The following MYOM3 variants were observed in gnomAD, a reference collection of about 807,000 sequenced individuals.
MYOM3 encodes the protein myomesin 3.
A neutral mutation model predicts 191.7 loss-of-function variants in MYOM3; 155 were observed. The observed-to-expected ratio is 0.81, with a 90% confidence interval of 0.71 to 0.92. The LOEUF is 0.92. MYOM3 is among the 40% of genes least tolerant of loss of function. The pLI is 0.00. For missense variants in MYOM3, 1,889 were observed against 1,890.6 expected (o/e 1.00, Z 0.02); for synonymous variants, 757 against 762.9 (o/e 0.99, Z 0.13).
chr1:24,084,607 A>C lies in MYOM3; in HGVS notation c.1831T>G (p.Phe611Val), dbSNP rs763172539. ...TLPPPAQVQA[F>V]RDTQTSVSLT... is the part of the protein sequence containing the mutation. The stretch of plus-strand genomic sequence containing the variant: ...GAGACAGAGGTCTGTGTGTCTCTGA[A>C]AGCTTGAACTTGAGCTGGAGGAGGG... Residue 611 changes from phenylalanine (F) to valine (V), a missense_variant, in exon 16 of 37, where the codon TTC (phenylalanine) becomes GTC (valine). Coordinates refer to ENST00000374434, the MANE Select transcript of MYOM3 (RefSeq NM_152372.4). 5.0e-6 allele frequency: 8 copies of C among 1,613,456 alleles called. No homozygotes were observed. The highest frequency in any genetic ancestry group is 6.8e-6 in the Non-Finnish European group (8 of 1,179,792).
intron 4 of MYOM3, among the ~76,000 whole-genome samples, 153 bp downstream of exon 4, chr1:24,106,920 G>T (rs1470209122): frequency 6.6e-6 from 1 of 152,184 alleles, no homozygotes; most frequent in East Asian, 1.9e-4. Flanking sequence ...GCGCTTGCCC[G>T]GGGTCACACC....
rs11249084 is a variant in MYOM3, at chr1:24,064,514, C to T, written c.3535-355G>A. On this transcript the variant is annotated intron_variant, in intron 29 of 36. Transcript: ENST00000374434. ...TTGCAGAGCTTGTCTGGGCCTGGCC[C>T]ACCTTTCACTCCCTGGGGGCTCCTG... Among the ~76,000 whole-genome samples, 1,163 of 152,272 alleles carry T rather than the reference C, an allele frequency of 7.6e-3. 17 individuals are homozygous for T. The highest frequency in any genetic ancestry group is 0.026 in the African/African-American group (1,090 of 41,544).
In MYOM3 at chr1:24,087,590, G is replaced by A. The variant is rs1289037284; in HGVS notation, c.1615-763C>T. 6.6e-6 allele frequency among the ~76,000 whole-genome samples: 1 copy of A among 152,022 alleles called. No individual in the cohort carries two copies. Among genetic ancestry groups the A allele is most frequent in the Non-Finnish European group, 1.5e-5 (1 of 68,018 alleles). On this transcript the variant is annotated intron_variant, in intron 14 of 36. Coordinates refer to ENST00000374434, the MANE Select transcript of MYOM3 (RefSeq NM_152372.4). The surrounding 1 kb of genome is among the most constrained non-coding windows in gnomAD (Gnocchi z 4.5). ...CCCTCAGCCTGGAATGTTCTTCTCC[G>A]AGAAATCTCTTGGCTTCCTGTAGGC...
chr1:24,086,676 G>C lies in MYOM3; in HGVS notation c.1766C>G (p.Pro589Arg). ...GCCCCGCAAGGCGATGGGTTCGCTG[G>C]GCTCCGAGGGATCGCTCAGGCCATA... ...NQYGLSDPSE[P>R]SEPIALRGPP... The change falls in exon 15 of 37, where the codon CCC becomes CGC. Residue 589 changes from proline (P) to arginine (R), a missense_variant. Transcript: ENST00000374434. 1 of 1,614,074 alleles carries C rather than the reference G, an allele frequency of 6.2e-7. No individual in the cohort carries two copies. Among genetic ancestry groups the C allele is most frequent in the Non-Finnish European group, 8.5e-7 (1 of 1,179,992 alleles).
At chr1:24,071,732 C>T (rs1171387785) in intron 24 of MYOM3, among the ~76,000 whole-genome samples, 1 of 152,216 alleles carries the variant, frequency 6.6e-6, no homozygotes, top group Non-Finnish European at 1.5e-5. Context: ...GAGCCAATAA[C>T]AGTAATTATA....
At chr1:24,103,263 T>G (rs982037060) in intron 5 of MYOM3, among the ~76,000 whole-genome samples, 2 of 152,224 alleles carry the variant, frequency 1.3e-5, no homozygotes, top group African/African-American at 4.8e-5. Flanking sequence ...GTCCTCCTAG[T>G]GGGATCAGCA....
intron 25 of MYOM3, among the ~76,000 whole-genome samples, chr1:24,070,648 G>A (rs1281159437): frequency 1.7e-4 from 26 of 152,068 alleles, no homozygotes; most frequent in Admixed American, 1.6e-3. Context: ...GGCAGAAGGA[G>A]TACTTAAGGC....
chr1:24,063,317 C>G lies in MYOM3; in HGVS notation c.3662-83G>C, dbSNP rs1206874585. The G allele has an allele frequency of 3.6e-6, 5 of 1,400,902 alleles. No individual in the cohort carries two copies. The Admixed American group carries it at 5.1e-5, about 14-fold the overall frequency. The allele number at this position is 1,400,902 out of a possible 1,614,324, so 86.8% of individuals were successfully genotyped here. A position where few individuals can be genotyped will look rare whatever the true frequency, so the allele number is the denominator to read the frequency against. ...TGGGGCCGGCTTGTCTGCCTCTGCC[C>G]TGGGGGGCAGGTGCTGTGGGGGAAA... On this transcript the variant is annotated intron_variant, in intron 31 of 36. Coordinates refer to ENST00000374434, the MANE Select transcript of MYOM3 (RefSeq NM_152372.4). The surrounding 1 kb of genome is among the most constrained non-coding windows in gnomAD (Gnocchi z 4.5).
chr1:24,110,784 A>G (rs192746560), intron 1 of MYOM3, among the ~76,000 whole-genome samples: 2 of 152,314 alleles, frequency 1.3e-5, no homozygotes, highest in Admixed American at 6.5e-5. Context: ...GCACCCAAAG[A>G]AGTGGCTAGC....
rs529347509 is a variant in MYOM3, at chr1:24,087,040, G to A, written c.1615-213C>T. ...ACCTCACGTCCAGCCTGTCCACAAC[G>A]CGGCTCCAGAGCTTCCCACACCTGC... is the stretch of plus-strand genomic sequence containing the variant. On this transcript the variant is annotated intron_variant, in intron 14 of 36. Coordinates refer to ENST00000374434, the MANE Select transcript of MYOM3 (RefSeq NM_152372.4). The surrounding 1 kb of genome is among the most constrained non-coding windows in gnomAD (Gnocchi z 4.5). Among the ~76,000 whole-genome samples the A allele has an allele frequency of 2.6e-5, 4 of 151,858 alleles. No individual in the cohort carries two copies. The highest frequency in any genetic ancestry group is 2.0e-4 in the East Asian group (1 of 5,122).
Position 24,093,062 on chromosome 1 carries a change from G to A in MYOM3, c.975C>T (p.Asp325=). 6.2e-7 allele frequency: 1 copy of A among 1,612,954 alleles called. No individual in the cohort carries two copies. Residue 325 remains aspartate, a synonymous_variant, in exon 10 of 37, where the codon GAC becomes GAT. Coordinates refer to ENST00000374434, the MANE Select transcript of MYOM3 (RefSeq NM_152372.4). Reference sequence around the variant, plus strand: ...AGGACACCTTCAGGGATGCCTGGCGGTCTGTGTAGAGGATCTTCCGACGTC... The same window carrying A: ...AGGACACCTTCAGGGATGCCTGGCGATCTGTGTAGAGGATCTTCCGACGTC... ...SSRRRKILYT[D]RQASLKVSCT... is the part of the protein sequence containing the mutation.
rs576964642 is a variant in MYOM3 at position 24,111,796 on chromosome 1, C to T, written c.-19+235G>A. Reference sequence around the variant, plus strand: ...ACAGACAGCTCAGCTCTCAGAAGACCCAGGGCCACACAGAACAGTGGGATG... The same window carrying T: ...ACAGACAGCTCAGCTCTCAGAAGACTCAGGGCCACACAGAACAGTGGGATG... On this transcript the variant is annotated intron_variant, in intron 1 of 36. Coordinates refer to ENST00000374434, the MANE Select transcript of MYOM3 (RefSeq NM_152372.4). This position sits in a 1 kb window ranked among gnomAD's most constrained non-coding sequence, Gnocchi z 4.7. Among the ~76,000 whole-genome samples, 71 of 152,028 alleles carry T rather than the reference C, an allele frequency of 4.7e-4. 1 individual carries two copies. Among genetic ancestry groups the T allele is most frequent in the South Asian group, 2.7e-3 (13 of 4,804 alleles).
At chr1:24,098,337 C>T (rs563586132) in intron 6 of MYOM3, among the ~76,000 whole-genome samples, 1 of 152,340 alleles carries the variant, frequency 6.6e-6, no homozygotes, top group Admixed American at 6.5e-5. Context: ...AGTCACAGAG[C>T]AAATGGAACT....
At chr1:24,062,228 TG>T in intron 32 of MYOM3, 119 bp from the exon 33 acceptor site, 4 of 990,030 alleles carry the variant, frequency 4.0e-6, no homozygotes, top group Non-Finnish European at 6.1e-6. Flanking sequence ...GTGGTGACTA[TG>T]AGGCACCAGA....
chr1:24,074,027 G>T, intron 23 of MYOM3, 133 bp downstream of exon 23: 1 of 647,316 alleles, frequency 1.5e-6, no homozygotes, highest in Non-Finnish European at 2.8e-6. Context: ...GAAAGAATGG[G>T]TGGGTGAGGG....
At chr1:24,095,260 C>G (rs1643872632) in intron 8 of MYOM3, among the ~76,000 whole-genome samples, 182 bp downstream of exon 8, 1 of 152,186 alleles carries the variant, frequency 6.6e-6, no homozygotes, top group African/African-American at 2.4e-5. Context: ...CAGCTGGGGA[C>G]AGCTCTGGGG....
chr1:24,082,386 C>G (rs948984891), intron 17 of MYOM3, 198 bp from the exon 18 acceptor site: 1 of 879,542 alleles, frequency 1.1e-6, no homozygotes. Context: ...CCCCACCCCC[C>G]AGAGCTGCTC....
rs1480141378 is a variant in MYOM3 at position 24,108,013 on chromosome 1, C to G, written c.222G>C (p.Thr74=). The change falls in exon 3 of 37, where the codon ACG becomes ACC. Residue 74 remains threonine (T), a synonymous_variant. Coordinates refer to ENST00000374434, the MANE Select transcript of MYOM3 (RefSeq NM_152372.4). ...CTCACCAAGACAGCTCGGAGGAGGCCGTCAGAGCCAGGGCTGCTGCCAGGG... is the reference window on the plus strand; with the variant it reads ...CTCACCAAGACAGCTCGGAGGAGGCGGTCAGAGCCAGGGCTGCTGCCAGGG... The part of the protein sequence containing the change: ...DYALAAALAL[T]ASSELSWEAQ... 1 of 1,613,536 alleles carries G rather than the reference C, an allele frequency of 6.2e-7. No homozygotes were observed. The highest frequency in any genetic ancestry group is 8.5e-7 in the Non-Finnish European group (1 of 1,179,820).
intron 35 of MYOM3, among the ~76,000 whole-genome samples, chr1:24,060,292 T>C (rs772297399): frequency 1.3e-5 from 2 of 152,094 alleles, no homozygotes; most frequent in Non-Finnish European, 2.9e-5. Context: ...ACCCCTCAAT[T>C]GCCCCTTCCC....
Sources: allele counts gnomAD v4.1 joint callset (sites outside exome capture counted in the v4.1 genomes callset), GRCh38; gene constraint gnomAD v4.1.1; non-coding constraint Gnocchi (gnomAD v3.1); transcripts MANE v1.5; gene names NCBI Gene and HGNC (gene_info 2026-07-23, HGNC 2026-07-21).